Variants in MTM1 observed in about 807,000 individuals in gnomAD.
MTM1 encodes myotubularin 1, also known as myotubularin.
MTM1 carries 9 observed loss-of-function variants against 52.1 expected under a neutral mutation model. The observed-to-expected ratio is 0.17, with a 90% CI of 0.10 to 0.30. The LOEUF (loss-of-function observed/expected upper bound fraction) is 0.30. Among genes scored for constraint, MTM1 ranks in the 10% least tolerant of loss-of-function variants. MTM1 has a pLI of 1.00. For synonymous variants in MTM1, 136 were observed against 163.8 expected, an observed-to-expected ratio of 0.83 and a Z score of 1.29; for missense variants, 277 against 470.7, an observed-to-expected ratio of 0.59 and a Z score of 3.81.
At chrX:150,578,851 T>C (rs1354960729) in intron 1 of MTM1, among the ~76,000 whole-genome samples, 2 of 109,176 alleles carry the variant, frequency 1.8e-5, no homozygotes. Context: ...TTTTCAAGAT[T>C]GTTTTGAATA....
At chrX:150,660,253 C>G in intron 12 of MTM1, 118 bp from the exon 13 acceptor site, 2 of 505,747 alleles carry the variant, frequency 4.0e-6, no homozygotes. Context: ...ACAGCCTCTG[C>G]TGTCCTTCCT....
At chrX:150,569,633 C>T (rs2038331391) in intron 1 of MTM1, among the ~76,000 whole-genome samples, 1 of 111,688 alleles carries the variant, frequency 9.0e-6, no homozygotes, top group South Asian at 3.9e-4. Flanking sequence ...GCTAATATCA[C>T]AAGCCAGCTC....
At chrX:150,589,244 C>G (rs1007166637) in intron 1 of MTM1, among the ~76,000 whole-genome samples, 1 of 110,705 alleles carries the variant, frequency 9.0e-6, no homozygotes. Context: ...CTAGAGTTGT[C>G]CCTGCCAGTA....
intron 5 of MTM1, among the ~76,000 whole-genome samples, chrX:150,616,278 A>G (rs1557413142): frequency 1.8e-5 from 2 of 111,890 alleles, no homozygotes; most frequent in Non-Finnish European, 3.8e-5. Flanking sequence ...GCTTAGAACA[A>G]TGTTGTAGCA....
chrX:150,623,703 C>T (rs1442820536), intron 6 of MTM1, among the ~76,000 whole-genome samples: 2 of 110,330 alleles, frequency 1.8e-5, no homozygotes, highest in Non-Finnish European at 3.8e-5. Context: ...GGAGAAGGGA[C>T]CATTATTTCT....
chrX:150,637,534 A>T (rs1251106058), intron 6 of MTM1, among the ~76,000 whole-genome samples: 10 of 111,843 alleles, frequency 8.9e-5, no homozygotes, highest in Middle Eastern at 4.6e-3. Flanking sequence ...AGGGGAGGGG[A>T]TAGTACATAT....
intron 10 of MTM1, among the ~76,000 whole-genome samples, chrX:150,655,975 A>C (rs2040106469): frequency 8.9e-6 from 1 of 112,162 alleles, no homozygotes; most frequent in Non-Finnish European, 1.9e-5. Flanking sequence ...TGATACTTCT[A>C]AGTCTCAAAT....
intron 6 of MTM1, among the ~76,000 whole-genome samples, chrX:150,636,342 T>C (rs2039753445): frequency 8.9e-6 from 1 of 111,885 alleles, no homozygotes; most frequent in Non-Finnish European, 1.9e-5. Flanking sequence ...ATAGCTTTGA[T>C]TTTCTGATAA....
At chrX:150,611,647 G>A (rs781893700) in intron 4 of MTM1, among the ~76,000 whole-genome samples, 1 of 111,808 alleles carries the variant, frequency 8.9e-6, no homozygotes, top group South Asian at 3.7e-4. Context: ...AATTTTAGCA[G>A]TATTTTTCCC....
Position 150,659,658 on chromosome X carries a change from A to T in MTM1, c.1261-6A>T. On this transcript the variant is annotated splice_region_variant and splice_polypyrimidine_tract_variant and intron_variant, in intron 11 of 14. Transcript: ENST00000370396. ...TAAAACAAATTATCTTCATCAATTTATTCAGCGAATAGGTCATGGTGATAA... is the reference window on the plus strand; with the variant it reads ...TAAAACAAATTATCTTCATCAATTTTTTCAGCGAATAGGTCATGGTGATAA... 1.7e-6 allele frequency: 2 copies of T among 1,199,569 alleles called. No individual in the cohort carries two copies. The highest frequency in any genetic ancestry group is 2.3e-6 in the Non-Finnish European group (2 of 884,358).
chrX:150,612,710 A>G (rs1557413009), intron 4 of MTM1, among the ~76,000 whole-genome samples: 1 of 111,453 alleles, frequency 9.0e-6, no homozygotes, highest in East Asian at 2.8e-4. Flanking sequence ...TTGGCTGGGC[A>G]TGGTGGCTCA....
intron 1 of MTM1, among the ~76,000 whole-genome samples, chrX:150,579,378 A>G (rs1003141535): frequency 9.0e-6 from 1 of 111,587 alleles, no homozygotes; most frequent in Non-Finnish European, 1.9e-5. Flanking sequence ...TTCTCCATGT[A>G]TTTAGGTCTT....
intron 1 of MTM1, among the ~76,000 whole-genome samples, chrX:150,582,992 A>C (rs1357013078): frequency 2.1e-5 from 2 of 96,966 alleles, no homozygotes; most frequent in African/African-American, 7.5e-5. Context: ...TCTTCTCCAG[A>C]TACTTTGATT....
At chrX:150,566,880 C>T (rs1179803154), upstream of MTM1, among the ~76,000 whole-genome samples, 1 of 111,848 alleles carries the variant, frequency 8.9e-6, no homozygotes, top group African/African-American at 3.3e-5. Context: ...TATTCAGCAG[C>T]CCACCAGGGA....
chrX:150,588,276 A>G (rs371836486), intron 1 of MTM1, among the ~76,000 whole-genome samples: 3 of 112,069 alleles, frequency 2.7e-5, no homozygotes, highest in African/African-American at 9.7e-5. Context: ...AGGCTCATCA[A>G]AAGACAAAAG....
chrX:150,600,124 G>A (rs1411167417), intron 4 of MTM1, among the ~76,000 whole-genome samples: 1 of 110,975 alleles, frequency 9.0e-6, no homozygotes, highest in Non-Finnish European at 1.9e-5. Context: ...AAGGGTGGTC[G>A]CTAACATCTT....
intron 1 of MTM1, among the ~76,000 whole-genome samples, chrX:150,570,264 A>G (rs1264693394): frequency 9.0e-6 from 1 of 111,674 alleles, no homozygotes; most frequent in Non-Finnish European, 1.9e-5. Flanking sequence ...ATTTTCTGGC[A>G]GAGATGAGCG....
At chrX:150,601,148 A>G (rs2039060821) in intron 4 of MTM1, among the ~76,000 whole-genome samples, 1 of 111,749 alleles carries the variant, frequency 8.9e-6, no homozygotes, top group Non-Finnish European at 1.9e-5. Flanking sequence ...TTGTTTGTAT[A>G]TGATGCCCTA....
Position 150,583,930 on chromosome X carries a change from A to ATATAT in MTM1, c.-10-8675_-10-8674insTATAT, listed in dbSNP as rs1557412130. 4.7e-4 allele frequency among the ~76,000 whole-genome samples: 19 copies of ATATAT among 40,781 alleles called. 1 individual carries two copies. Among genetic ancestry groups the ATATAT allele is most frequent in the African/African-American group, 1.3e-3 (18 of 13,481 alleles). 35.4% of individuals were successfully genotyped at this position (40,781 alleles called of 115,157 possible). A position where few individuals can be genotyped will look rare whatever the true frequency, so the allele number is the denominator to read the frequency against. On this transcript the variant is annotated intron_variant, in intron 1 of 14. Transcript: ENST00000370396. ...TATATATAATATAAAATATATATTA[A>ATATAT]ATTAAAATATATATATTAAATATAT...
Sources: gnomAD v4.1 joint callset for allele counts (sites outside exome capture counted in the v4.1 genomes callset) on GRCh38, gnomAD v4.1.1 for gene constraint, MANE v1.5 for transcripts, NCBI Gene and HGNC (gene_info 2026-07-23, HGNC 2026-07-21) for gene names.